KCNQ1: variants seen among roughly 807,000 people sequenced by gnomAD.
The protein encoded by KCNQ1 is potassium voltage-gated channel subfamily Q member 1, also known as potassium voltage-gated channel subfamily KQT member 1.
Under a neutral mutation model 72.4 loss-of-function variants are expected in KCNQ1, and 49 were observed. That is an observed-to-expected ratio of 0.68 (90% CI 0.54 to 0.86). The LOEUF is 0.86. Ranked by LOEUF, KCNQ1 falls within the 40% of genes least tolerant of loss-of-function variation. The pLI is 0.00. For synonymous variants in KCNQ1, 450 were observed against 412.6 expected (o/e 1.09, Z -1.10); for missense variants, 790 against 945.1 (o/e 0.84, Z 2.15).
At position 2,477,301 on chromosome 11, in the gene KCNQ1, A is replaced by T. The variant is rs1430371599; in HGVS notation, c.386+31817A>T. Among the ~76,000 whole-genome samples the T allele has an allele frequency of 6.6e-6, 1 of 152,184 alleles. No individual in the cohort carries two copies. The highest frequency in any genetic ancestry group is 2.4e-5 in the African/African-American group (1 of 41,442). On this transcript the variant is annotated intron_variant, in intron 1 of 15. Coordinates refer to ENST00000155840, the MANE Select transcript of KCNQ1 (RefSeq NM_000218.3). This position sits in a 1 kb window ranked among gnomAD's most constrained non-coding sequence, Gnocchi z 5.0. Reference sequence around the variant, plus strand: ...ATCCCGTATGTTTGAACAATTTTTAATGTGGGATCAAAGGTAGGAAATGCT... The same window carrying T: ...ATCCCGTATGTTTGAACAATTTTTATTGTGGGATCAAAGGTAGGAAATGCT...
chr11:2,844,932 G>T (rs1487180934), intron 15 of KCNQ1, among the ~76,000 whole-genome samples: 1 of 152,222 alleles, frequency 6.6e-6, no homozygotes, highest in African/African-American at 2.4e-5. Context: ...CCAGTATGCG[G>T]GGCCCAGGGA....
In KCNQ1 at chr11:2,624,175, T is replaced by G; in HGVS notation, c.1393+35321T>G. The G allele has an allele frequency of 7.5e-6, 3 of 398,620 alleles. No individual in the cohort carries two copies. Among genetic ancestry groups the G allele is most frequent in the Non-Finnish European group, 1.3e-5 (3 of 226,050 alleles). The allele number at this position is 398,620 out of a possible 1,614,324, so 24.7% of individuals were successfully genotyped here. On this transcript the variant is annotated intron_variant, in intron 10 of 15. Coordinates refer to ENST00000155840, the MANE Select transcript of KCNQ1 (RefSeq NM_000218.3). This position sits in a 1 kb window ranked among gnomAD's most constrained non-coding sequence, Gnocchi z 4.9. ...TCCATTTCCCTAATGACGTAAGATG[T>G]GGGGCATCTTTTCATATACTTAGTT...
intron 11 of KCNQ1, chr11:2,694,140 A>G: frequency 2.5e-6 from 1 of 398,558 alleles, no homozygotes; most frequent in Non-Finnish European, 4.4e-6. Flanking sequence ...AACAAATTAT[A>G]CTGCTGACCA....
At chr11:2,801,626 C>T (rs1172883829) in intron 15 of KCNQ1, among the ~76,000 whole-genome samples, 4 of 152,224 alleles carry the variant, frequency 2.6e-5, no homozygotes, top group African/African-American at 7.2e-5. Context: ...CTCCTAAAGG[C>T]CTCGTCTCCA....
In KCNQ1 at chr11:2,652,433, G is replaced by T. The variant is rs1590007554; in HGVS notation, c.1394-9528G>T. The T allele has an allele frequency of 8.3e-5, 33 of 398,430 alleles. No individual in the cohort carries two copies. The East Asian group carries it at 1.2e-3, about 14-fold the overall frequency. The allele number at this position is 398,430 out of a possible 1,614,324, so 24.7% of individuals were successfully genotyped here. On this transcript the variant is annotated intron_variant, in intron 10 of 15. Transcript: ENST00000155840. This position sits in a 1 kb window ranked among gnomAD's most constrained non-coding sequence, Gnocchi z 5.9. ...GTGTAATTTTGTCTTGAAAATCAAG[G>T]CCACTTTTTTGTTTTCTCCATCCAA... is the stretch of plus-strand genomic sequence containing the variant.
chr11:2,700,087 C>T, intron 11 of KCNQ1: 2 of 397,934 alleles, frequency 5.0e-6, no homozygotes, highest in Non-Finnish European at 8.9e-6. Flanking sequence ...CAGGGGAAGG[C>T]TTGCGGCGGG....
At chr11:2,728,417 A>C (rs571650075) in intron 11 of KCNQ1, among the ~76,000 whole-genome samples, 1 of 152,216 alleles carries the variant, frequency 6.6e-6, no homozygotes, top group East Asian at 1.9e-4. Context: ...TATAGGACCT[A>C]CCGAGCGTTT....
chr11:2,545,399 A>G (rs1847890208), intron 2 of KCNQ1, among the ~76,000 whole-genome samples: 1 of 152,160 alleles, frequency 6.6e-6, no homozygotes, highest in Non-Finnish European at 1.5e-5. Flanking sequence ...TTGTTTAGGT[A>G]GGCCTGGACT....
chr11:2,648,705 T>G (rs1849705622), intron 10 of KCNQ1: 1 of 398,528 alleles, frequency 2.5e-6, no homozygotes, highest in East Asian at 3.6e-5. Flanking sequence ...TGGTATATCC[T>G]GGAGAATGTG....
Position 2,541,187 on chromosome 11 carries a change from A to G in KCNQ1, c.477+13169A>G, listed in dbSNP as rs951619860. 3.3e-5 allele frequency among the ~76,000 whole-genome samples: 5 copies of G among 152,194 alleles called. No individual in the cohort carries two copies. The highest frequency in any genetic ancestry group is 1.2e-4 in the African/African-American group (5 of 41,444). ...GTTCCATTTGCACATTTAATCCAGA[A>G]ACTGTCAGCATGGGAAGCCTGGATG... On this transcript the variant is annotated intron_variant, in intron 2 of 15. Transcript: ENST00000155840. This position sits in a 1 kb window ranked among gnomAD's most constrained non-coding sequence, Gnocchi z 4.8.
chr11:2,626,704 T>C lies in KCNQ1; in HGVS notation c.1394-35257T>C. On this transcript the variant is annotated intron_variant, in intron 10 of 15. Transcript: ENST00000155840. This position sits in a 1 kb window ranked among gnomAD's most constrained non-coding sequence, Gnocchi z 4.0. ...CCATTACACCTGGCCAATTATTTTA[T>C]TTTTTGTAGAGATGAGGTCTCCCTG... The C allele has an allele frequency of 2.6e-6, 1 of 385,876 alleles. No individual in the cohort carries two copies. The highest frequency in any genetic ancestry group is 4.4e-6 in the Non-Finnish European group (1 of 225,926). The allele number at this position is 385,876 out of a possible 1,614,324, so 23.9% of individuals were successfully genotyped here. A position where few individuals can be genotyped will look rare whatever the true frequency, so the allele number is the denominator to read the frequency against.
At chr11:2,648,930 T>C (rs1849709260) in intron 10 of KCNQ1, 6 of 398,052 alleles carry the variant, frequency 1.5e-5, no homozygotes, top group Non-Finnish European at 2.7e-5. Flanking sequence ...TCTTGCTGAA[T>C]TGATCCATTT....
At chr11:2,717,957 G>A (rs1851123337) in intron 11 of KCNQ1, among the ~76,000 whole-genome samples, 1 of 152,200 alleles carries the variant, frequency 6.6e-6, no homozygotes, top group South Asian at 2.1e-4. Context: ...GACCACACCT[G>A]GCATGGCTTC....
rs955085477 is a variant in KCNQ1, at chr11:2,704,526, G to C, written c.1514+42445G>C. 1.3e-5 allele frequency among the ~76,000 whole-genome samples: 2 copies of C among 152,224 alleles called. No individual in the cohort carries two copies. The highest frequency in any genetic ancestry group is 4.8e-5 in the African/African-American group (2 of 41,454). ...AGGCTGTCGTCAGAGGGGAGGCACA[G>C]TGGGGAGTCTCTAGGAGGTTTTGGG... is the stretch of plus-strand genomic sequence containing the variant. On this transcript the variant is annotated intron_variant, in intron 11 of 15. Transcript: ENST00000155840. This position sits in a 1 kb window ranked among gnomAD's most constrained non-coding sequence, Gnocchi z 4.3.
intron 1 of KCNQ1, among the ~76,000 whole-genome samples, chr11:2,465,249 C>T (rs1262202890): frequency 6.6e-6 from 1 of 152,200 alleles, no homozygotes; most frequent in Admixed American, 6.5e-5. Context: ...AGTGCGACCT[C>T]CTGGGCTCAA....
At chr11:2,650,787 A>C (rs941967014) in intron 10 of KCNQ1, 5 of 398,488 alleles carry the variant, frequency 1.3e-5, no homozygotes, top group Non-Finnish European at 1.8e-5. Flanking sequence ...TTCTCCTAAT[A>C]CTGCTAACAG....
chr11:2,489,459 G>A (rs1168616749), intron 1 of KCNQ1, among the ~76,000 whole-genome samples: 1 of 152,182 alleles, frequency 6.6e-6, no homozygotes, highest in Non-Finnish European at 1.5e-5. Context: ...AAATAAACTT[G>A]TAAGGCAGTC....
At chr11:2,699,507 AGCCCCC>A in intron 11 of KCNQ1, 2 of 176,920 alleles carry the variant, frequency 1.1e-5, no homozygotes, top group Non-Finnish European at 1.8e-5. Context: ...CGCGCTGAGG[AGCCCCC>A]AGGAGAGTGC....
chr11:2,497,858 G>C lies in KCNQ1; in HGVS notation c.387-30070G>C, dbSNP rs1380466825. Among the ~76,000 whole-genome samples the C allele has an allele frequency of 6.6e-6, 1 of 152,092 alleles. No individual in the cohort carries two copies. The highest frequency in any genetic ancestry group is 2.4e-5 in the African/African-American group (1 of 41,428). ...ACCTTTGGATGGGGTTTTTGTGTGGGGGGTCCCTTTTGTTGATGTTGATTT... is the reference window on the plus strand; with the variant it reads ...ACCTTTGGATGGGGTTTTTGTGTGGCGGGTCCCTTTTGTTGATGTTGATTT... On this transcript the variant is annotated intron_variant, in intron 1 of 15. Coordinates refer to ENST00000155840, the MANE Select transcript of KCNQ1 (RefSeq NM_000218.3). This position sits in a 1 kb window ranked among gnomAD's most constrained non-coding sequence, Gnocchi z 4.5.
Sources: allele counts gnomAD v4.1 joint callset (sites outside exome capture counted in the v4.1 genomes callset), GRCh38; gene constraint gnomAD v4.1.1; non-coding constraint Gnocchi (gnomAD v3.1); transcripts MANE v1.5; gene names NCBI Gene and HGNC (gene_info 2026-07-23, HGNC 2026-07-21).